MACF1: variants seen among roughly 807,000 people sequenced by gnomAD.
The protein encoded by MACF1 is microtubule actin crosslinking factor 1, also known as microtubule-actin cross-linking factor 1.
A neutral mutation model predicts 854.8 loss-of-function variants in MACF1; 193 were observed. The ratio of observed to expected loss-of-function variants is 0.23; its 90% CI spans 0.20 to 0.25. The LOEUF is 0.25. Ranked by LOEUF, MACF1 falls within the 10% of genes least tolerant of loss-of-function variation. The pLI, the probability that MACF1 is intolerant of heterozygous loss-of-function variation, is 1.00. For missense variants in MACF1, 7,722 were observed against 8,929.1 expected, an observed-to-expected ratio of 0.86 and a Z score of 5.45; for synonymous variants, 3,185 against 3,226.7, an observed-to-expected ratio of 0.99 and a Z score of 0.44.
intron 2 of MACF1, among the ~76,000 whole-genome samples, chr1:39,089,547 T>G (rs1007819235): frequency 1.3e-5 from 2 of 152,166 alleles, no homozygotes; most frequent in African/African-American, 4.8e-5. Context: ...TCTGGAGGTC[T>G]CTGTAGTCAG....
In MACF1 at chr1:39,444,712, T is replaced by G; in HGVS notation, c.19482T>G (p.Leu6494=). Residue 6494 remains leucine (L), a synonymous_variant, in exon 80 of 101, where the codon CTT becomes CTG. Coordinates refer to ENST00000564288, the MANE Select transcript of MACF1 (RefSeq NM_001394062.1). ...KAKEETYNQL[L]DKGRLMLLSR... ...AGGAAGAGACTTATAATCAACTACT[T>G]GACAAGGGCAGACTCATGCTTCTAA... 1 of 1,614,046 alleles carries G rather than the reference T, an allele frequency of 6.2e-7. No individual in the cohort carries two copies. The highest frequency in any genetic ancestry group is 8.5e-7 in the Non-Finnish European group (1 of 1,179,926).
At chr1:39,452,504 T>A in intron 86 of MACF1, 154 bp downstream of exon 86, 1 of 1,139,150 alleles carries the variant, frequency 8.8e-7, no homozygotes, top group Non-Finnish European at 1.2e-6. Context: ...TAATATTCAT[T>A]TTGAGAAATA....
intron 1 of MACF1, among the ~76,000 whole-genome samples, chr1:39,226,561 G>A (rs1337838132): frequency 1.3e-5 from 2 of 151,898 alleles, no homozygotes; most frequent in African/African-American, 2.4e-5. Context: ...GGCTGGTCTC[G>A]AACGCCTGAC....
chr1:39,149,749 C>G (rs2148194477), intron 2 of MACF1, among the ~76,000 whole-genome samples: 1 of 145,006 alleles, frequency 6.9e-6, no homozygotes, highest in East Asian at 2.0e-4. Flanking sequence ...ATTTAAAGTC[C>G]TCCATAATTG....
At chr1:39,173,561 A>G (rs1341014492) in intron 2 of MACF1, among the ~76,000 whole-genome samples, 1 of 152,090 alleles carries the variant, frequency 6.6e-6, no homozygotes, top group East Asian at 1.9e-4. Context: ...GTATCTTCAG[A>G]TGTGTTTTTC....
Position 39,333,130 on chromosome 1 carries a change from A to G in MACF1, c.6542A>G (p.Glu2181Gly), listed in dbSNP as rs781458959. ...GAACAAGCACACACTCTTGAGACTG[A>G]ATATATTCATGATGAAACTGGAGGA... Reference protein sequence around the residue: ...QNEQAHTLETEYIHDETGGSH... With the variant: ...QNEQAHTLETGYIHDETGGSH... Residue 2181 changes from glutamate to glycine, a missense_variant, in exon 37 of 101, where the codon GAA becomes GGA. Glu to Gly is a moderately conservative substitution (Grantham distance 98, BLOSUM62 -2). Around this residue, in one of 15 missense-constraint regions of MACF1, gnomAD observed 1,531 missense variants for 1,601.6 expected, o/e 0.96. Coordinates refer to ENST00000564288, the MANE Select transcript of MACF1 (RefSeq NM_001394062.1). 46 of 1,614,004 alleles carry G rather than the reference A, an allele frequency of 2.9e-5. No individual in the cohort carries two copies. The highest frequency in any genetic ancestry group is 3.9e-5 in the Non-Finnish European group (46 of 1,180,040).
At chr1:39,099,349 G>A (rs2148129008) in intron 2 of MACF1, among the ~76,000 whole-genome samples, 1 of 152,284 alleles carries the variant, frequency 6.6e-6, no homozygotes, top group Non-Finnish European at 1.5e-5. Flanking sequence ...TAGAGACGCG[G>A]TTTCACCATA....
In MACF1 at chr1:39,257,942, C is replaced by T; in HGVS notation, c.442C>T (p.Leu148=). The change falls in exon 6 of 101, where the codon CTA becomes TTA. Residue 148 remains leucine, a synonymous_variant. Coordinates refer to ENST00000564288, the MANE Select transcript of MACF1 (RefSeq NM_001394062.1). The part of the protein sequence containing the change: ...LDFLKQRQVK[L]VNIRNDDITD... ...GCTTTTATTTCTTTTTCAGGTGAAA[C>T]TAGTGAATATTCGCAATGATGACAT... 6.2e-7 allele frequency: 1 copy of T among 1,612,280 alleles called. No homozygotes were observed. Among genetic ancestry groups the T allele is most frequent in the East Asian group, 2.2e-5 (1 of 44,872 alleles).
chr1:39,224,700 A>G (rs1006983507), intron 1 of MACF1, among the ~76,000 whole-genome samples: 12 of 152,164 alleles, frequency 7.9e-5, no homozygotes, highest in African/African-American at 1.4e-4. Context: ...ACTAGGGAGT[A>G]TTGTTGGATT....
chr1:39,288,010 A>G (rs1156460513), intron 15 of MACF1, among the ~76,000 whole-genome samples: 1 of 151,902 alleles, frequency 6.6e-6, no homozygotes, highest in Non-Finnish European at 1.5e-5. Flanking sequence ...TACATCTGTT[A>G]CCTTTTTTTT....
At position 39,430,861 on chromosome 1, in the gene MACF1, G is replaced by A; in HGVS notation, c.17290G>A (p.Gly5764Arg). 15 of 1,612,604 alleles carry A rather than the reference G, an allele frequency of 9.3e-6. No individual in the cohort carries two copies. Among genetic ancestry groups the A allele is most frequent in the Non-Finnish European group, 1.3e-5 (15 of 1,179,988 alleles). The change falls in exon 66 of 101, where the codon GGA (glycine) becomes AGA (arginine). Residue 5764 changes from glycine to arginine, a missense_variant. Coordinates refer to ENST00000564288, the MANE Select transcript of MACF1 (RefSeq NM_001394062.1). ...EQYKLVSDTI[G>R]QRVDEIDAAI... ...GTACAAACTAGTCAGTGACACTATTGGACAAAGGGTGGATGAAATTGATGC... is the reference window on the plus strand; with the variant it reads ...GTACAAACTAGTCAGTGACACTATTAGACAAAGGGTGGATGAAATTGATGC...
intron 29 of MACF1, among the ~76,000 whole-genome samples, chr1:39,318,155 C>A (rs1232453668): frequency 6.6e-6 from 1 of 152,070 alleles, no homozygotes; most frequent in Non-Finnish European, 1.5e-5. Context: ...TATTGGTCAC[C>A]CTGGTAATTC....
intron 46 of MACF1, 52 bp downstream of exon 46, chr1:39,358,925 C>T (rs1274417286): frequency 9.7e-6 from 15 of 1,540,972 alleles, no homozygotes; most frequent in Admixed American, 2.1e-5. Context: ...TATTCCATGG[C>T]GTAAAGTACC....
At chr1:39,100,014 G>A (rs1404350588) in intron 2 of MACF1, among the ~76,000 whole-genome samples, 1 of 152,106 alleles carries the variant, frequency 6.6e-6, no homozygotes, top group South Asian at 2.1e-4. Flanking sequence ...CCAAGAGTTC[G>A]AGACCAGCCT....
rs371941087 is a variant in MACF1 at position 39,322,675 on chromosome 1, G to A, written c.4097G>A (p.Arg1366His). ...TCGCAGCAGAAATCCCCTGGCAAGCGCCGTCGCATGCTTTCCTCTTCAGAT... is the reference window on the plus strand; with the variant it reads ...TCGCAGCAGAAATCCCCTGGCAAGCACCGTCGCATGCTTTCCTCTTCAGAT... The part of the protein sequence containing the change: ...VESQQKSPGK[R>H]RRMLSSSDAI... Residue 1366 changes from arginine (R) to histidine (H), a missense_variant, in exon 32 of 101, where the codon CGC becomes CAC. Physicochemically the swap from Arg to His is conservative, Grantham distance 29. Transcript: ENST00000564288. 6.8e-6 allele frequency: 11 copies of A among 1,614,104 alleles called. No homozygotes were observed. Among genetic ancestry groups the A allele is most frequent in the African/African-American group, 2.7e-5 (2 of 75,010 alleles).
At chr1:39,196,558 C>T (rs1289165807) in intron 2 of MACF1, among the ~76,000 whole-genome samples, 3 of 152,116 alleles carry the variant, frequency 2.0e-5, no homozygotes, top group Non-Finnish European at 4.4e-5. Flanking sequence ...GGTTTTCAGT[C>T]CTATCGGTTA....
intron 96 of MACF1, 53 bp from the exon 97 acceptor site, chr1:39,469,494 T>G: frequency 2.9e-6 from 4 of 1,367,148 alleles, no homozygotes; most frequent in Non-Finnish European, 4.1e-6. Flanking sequence ...TTGACTAGTT[T>G]CTGCGTTTCC....
In MACF1 at chr1:39,125,377, G is replaced by T. The variant is rs904420807; in HGVS notation, c.220+40939G>T. The stretch of plus-strand genomic sequence containing the variant: ...AACCTTTCTAAACATTGATTTCCTC[G>T]TTAGTAGTGGGGAGAATAGTTCTTA... On this transcript the variant is annotated intron_variant, in intron 2 of 93. Coordinates refer to the MACF1 transcript ENST00000361689. 2.0e-5 allele frequency among the ~76,000 whole-genome samples: 3 copies of T among 152,172 alleles called. No homozygotes were observed. The East Asian group carries it at 5.8e-4, about 29-fold the overall frequency.
At chr1:39,367,256 T>C (rs1298830617) in intron 49 of MACF1, among the ~76,000 whole-genome samples, 2 of 152,024 alleles carry the variant, frequency 1.3e-5, no homozygotes, top group African/African-American at 4.8e-5. Flanking sequence ...CATACAAATA[T>C]ACTTTCATGT....
Sources: gnomAD v4.1 joint callset for allele counts (sites outside exome capture counted in the v4.1 genomes callset) on GRCh38, gnomAD v4.1.1 for gene constraint, gnomAD v4.1.1 regional missense constraint, MANE v1.5 for transcripts, NCBI Gene and HGNC (gene_info 2026-07-23, HGNC 2026-07-21) for gene names.